Variants in PLP2 observed in about 807,000 individuals in gnomAD.
The protein encoded by PLP2 is A4 differentiation-dependent protein.
A neutral mutation model predicts 11.4 loss-of-function variants in PLP2; 8 were observed. That is an observed-to-expected ratio of 0.70 (90% CI 0.41 to 1.27). The LOEUF is 1.27. Among genes scored for constraint, PLP2 ranks in the 50% most tolerant of loss-of-function variants. PLP2 has a pLI of 0.01. For missense variants in PLP2, 127 were observed against 123.5 expected (o/e 1.03, Z -0.14); for synonymous variants, 50 against 53.2 (o/e 0.94, Z 0.26).
rs1557099410 is a variant in PLP2, at chrX:49,173,242, C to T, written c.210C>T (p.Asp70=). The change falls in exon 2 of 5, where the codon GAC becomes GAT. Residue 70 remains aspartate, a synonymous_variant. Coordinates refer to ENST00000376327, the MANE Select transcript of PLP2 (RefSeq NM_002668.3). Reference sequence around the variant, plus strand: ...TTTTCTTTGTTGTCTACATGTGTGACCTGCACACCAAGATACCATTCATCA... The same window carrying T: ...TTTTCTTTGTTGTCTACATGTGTGATCTGCACACCAAGATACCATTCATCA... The part of the protein sequence containing the change: ...AAIFFVVYMC[D]LHTKIPFINW... 4.1e-6 allele frequency: 5 copies of T among 1,210,832 alleles called. No individual in the cohort carries two copies. The highest frequency in any genetic ancestry group is 5.6e-6 in the Non-Finnish European group (5 of 894,760).
intron 3 of PLP2, among the ~76,000 whole-genome samples, chrX:49,173,963 A>T (rs908913019): frequency 3.6e-5 from 4 of 111,246 alleles, no homozygotes; most frequent in Non-Finnish European, 7.6e-5. Context: ...CCAGCTACTC[A>T]GGAGGCTGAG....
chrX:49,172,134 A>T, intron 1 of PLP2, 38 bp downstream of exon 1: 2 of 995,129 alleles, frequency 2.0e-6, no homozygotes, highest in Non-Finnish European at 2.8e-6. Context: ...CAAAAGCGGG[A>T]TGGGGTGGCT....
Sources: allele counts gnomAD v4.1 joint callset (sites outside exome capture counted in the v4.1 genomes callset), GRCh38; gene constraint gnomAD v4.1.1; transcripts MANE v1.5; gene names NCBI Gene and HGNC (gene_info 2026-07-23, HGNC 2026-07-21).